The following EPS15L1 variants were observed in gnomAD, a reference collection of about 807,000 sequenced individuals.
EPS15L1 encodes the protein epidermal growth factor receptor pathway substrate 15 like 1.
In EPS15L1, 43 loss-of-function variants were observed where a neutral mutation model predicts 117.1. The ratio of observed to expected loss-of-function variants is 0.37; its 90% CI spans 0.29 to 0.47. The LOEUF is 0.47. Ranked by LOEUF, EPS15L1 falls within the 20% of genes least tolerant of loss-of-function variation. The pLI is 0.99. For synonymous variants in EPS15L1, 459 were observed against 470.5 expected, an observed-to-expected ratio of 0.98 and a Z score of 0.32; for missense variants, 981 against 1,164.0, an observed-to-expected ratio of 0.84 and a Z score of 2.29.
In EPS15L1 at chr19:16,381,898, C is replaced by T. The variant is rs2092367014; in HGVS notation, c.2247+3231G>A. On this transcript the variant is annotated intron_variant, in intron 21 of 23. Coordinates refer to ENST00000455140, the MANE Select transcript of EPS15L1 (RefSeq NM_001258374.3). This position sits in a 1 kb window ranked among gnomAD's most constrained non-coding sequence, Gnocchi z 4.2. ...ATGGGAAGTGGTGTGACCGGCTGGG[C>T]CTTGTCCTCCCTGGGCATGTGCTGG... 6.6e-6 allele frequency among the ~76,000 whole-genome samples: 1 copy of T among 152,218 alleles called. No individual in the cohort carries two copies.
At position 16,395,431 on chromosome 19, in the gene EPS15L1, T is replaced by C; in HGVS notation, c.1828A>G (p.Asn610Asp). ...PFKNKALLFS[N>D]NTQELHPDPF... ...TCCGGATGCAACTCTTGCGTGTTGT[T>C]GCTAAATAACAAGGCTTTATTTTTG... Residue 610 changes from asparagine (N) to aspartate (D), a missense_variant, in exon 17 of 24, where the codon AAC becomes GAC. Physicochemically the swap from Asn to Asp is conservative, Grantham distance 23. Around this residue, in one of 5 missense-constraint regions of EPS15L1, gnomAD observed 819 missense variants for 949.0 expected, o/e 0.86. Coordinates refer to ENST00000455140, the MANE Select transcript of EPS15L1 (RefSeq NM_001258374.3). 8.1e-6 allele frequency: 13 copies of C among 1,613,898 alleles called. No individual in the cohort carries two copies. Among genetic ancestry groups the C allele is most frequent in the Non-Finnish European group, 1.1e-5 (13 of 1,179,770 alleles).
intron 2 of EPS15L1, 67 bp from the exon 3 acceptor site, chr19:16,442,048 G>A (rs2093037433): frequency 1.3e-6 from 2 of 1,493,726 alleles, no homozygotes; most frequent in African/African-American, 1.4e-5. Context: ...AGTGGCACCC[G>A]CCACGCTAAC....
Position 16,403,884 on chromosome 19 carries a change from T to C in EPS15L1, c.1475A>G (p.Lys492Arg). The change falls in exon 15 of 24, where the codon AAG (lysine) becomes AGG (arginine). Residue 492 changes from lysine (K) to arginine (R), a missense_variant. Lys to Arg is a conservative substitution (Grantham distance 26, BLOSUM62 2). Around this residue, in one of 5 missense-constraint regions of EPS15L1, gnomAD observed 819 missense variants for 949.0 expected, o/e 0.86. Transcript: ENST00000455140. ...TQIQSQESDL[K>R]SQEDDLNRAK... The stretch of plus-strand genomic sequence containing the variant: ...TCGGTTCAGATCGTCTTCCTGGGAC[T>C]TTAAGTCAGATTCCTGAGATTGGAT... The C allele has an allele frequency of 6.2e-7, 1 of 1,614,156 alleles. No homozygotes were observed. Among genetic ancestry groups the C allele is most frequent in the South Asian group, 1.1e-5 (1 of 91,082 alleles).
rs568896371 is a variant in EPS15L1 at position 16,430,947 on chromosome 19, A to C, written c.499-2186T>G. Among the ~76,000 whole-genome samples, 4 of 152,332 alleles carry C rather than the reference A, an allele frequency of 2.6e-5. No homozygotes were observed. The South Asian group carries it at 8.3e-4, about 32-fold the overall frequency. On this transcript the variant is annotated intron_variant, in intron 7 of 23. Coordinates refer to ENST00000455140, the MANE Select transcript of EPS15L1 (RefSeq NM_001258374.3). ...CATAGATGCATGGATACAAAGATGT[A>C]TGCATGGCCGGGCACAGTGGCTCAC... is the stretch of plus-strand genomic sequence containing the variant.
Position 16,358,532 on chromosome 19 carries a change from G to A in EPS15L1, c.2587-2681C>T, listed in dbSNP as rs894554114. On this transcript the variant is annotated intron_variant, in intron 23 of 23. Coordinates refer to ENST00000455140, the MANE Select transcript of EPS15L1 (RefSeq NM_001258374.3). ...TTCCCTCTGGCATTACCATGGAACCGAGACACCGTAGGGGCATGACACCAC... is the reference window on the plus strand; with the variant it reads ...TTCCCTCTGGCATTACCATGGAACCAAGACACCGTAGGGGCATGACACCAC... 4.6e-5 allele frequency among the ~76,000 whole-genome samples: 7 copies of A among 152,184 alleles called. No homozygotes were observed. In the South Asian group the frequency reaches 6.2e-4, roughly 14 times the overall value.
chr19:16,466,772 G>A (rs1028299955), intron 1 of EPS15L1, among the ~76,000 whole-genome samples: 5 of 151,922 alleles, frequency 3.3e-5, no homozygotes, highest in Admixed American at 2.6e-4. Flanking sequence ...GTGTGGTAGT[G>A]GGCGCCTGTA....
intron 1 of EPS15L1, among the ~76,000 whole-genome samples, chr19:16,450,625 T>A (rs2093131930): frequency 6.6e-6 from 1 of 150,532 alleles, no homozygotes; most frequent in African/African-American, 2.4e-5. Flanking sequence ...GGATTACAGA[T>A]GCATGCCAAC....
chr19:16,450,604 C>T (rs547169706), intron 1 of EPS15L1, among the ~76,000 whole-genome samples: 30 of 151,620 alleles, frequency 2.0e-4, no homozygotes, highest in Non-Finnish European at 3.5e-4. Flanking sequence ...CCTCAGCCTC[C>T]CAAGTAGCTG....
intron 18 of EPS15L1, among the ~76,000 whole-genome samples, chr19:16,393,196 G>A (rs2092499256): frequency 1.3e-5 from 2 of 151,762 alleles, no homozygotes; most frequent in South Asian, 2.1e-4. Context: ...AGGGAATGGG[G>A]AGTGACTGCT....
chr19:16,465,004 A>G (rs1017916858), intron 1 of EPS15L1, among the ~76,000 whole-genome samples: 6 of 152,060 alleles, frequency 3.9e-5, no homozygotes, highest in East Asian at 1.9e-4. Flanking sequence ...GCATGAACCC[A>G]GGAGGCGGAG....
At chr19:16,385,275 A>G in intron 20 of EPS15L1, 64 bp from the exon 21 acceptor site, 1 of 1,378,660 alleles carries the variant, frequency 7.3e-7, no homozygotes. Flanking sequence ...TCTGGGGTGG[A>G]GGGGAAATGC....
chr19:16,414,786 T>G lies in EPS15L1; in HGVS notation c.1194-941A>C, dbSNP rs922509520. 1.1e-4 allele frequency among the ~76,000 whole-genome samples: 16 copies of G among 150,944 alleles called. No homozygotes were observed. In the South Asian group the frequency reaches 2.8e-3, roughly 26 times the overall value. ...CTGCAGTGGCACGATCATAGCTCAC[T>G]GCATCCTTGACTTCCTGGGCTCAAG... On this transcript the variant is annotated intron_variant, in intron 12 of 23. Coordinates refer to ENST00000455140, the MANE Select transcript of EPS15L1 (RefSeq NM_001258374.3).
intron 22 of EPS15L1, among the ~76,000 whole-genome samples, chr19:16,367,045 T>A (rs2092142931): frequency 6.6e-6 from 1 of 152,122 alleles, no homozygotes; most frequent in African/African-American, 2.4e-5. Flanking sequence ...TTTATACTTT[T>A]TTATGGCTCC....
intron 23 of EPS15L1, among the ~76,000 whole-genome samples, chr19:16,360,373 C>T (rs537765148): frequency 1.3e-5 from 2 of 152,180 alleles, no homozygotes; most frequent in African/African-American, 2.4e-5. Flanking sequence ...ACCCCCAGTG[C>T]GCATCTAGGG....
At chr19:16,454,625 C>A (rs1475745004) in intron 1 of EPS15L1, among the ~76,000 whole-genome samples, 4 of 152,120 alleles carry the variant, frequency 2.6e-5, no homozygotes, top group African/African-American at 9.7e-5. Flanking sequence ...GGCCTCCATC[C>A]AAACCAGACA....
chr19:16,422,957 CG>C (rs575104755), intron 9 of EPS15L1, among the ~76,000 whole-genome samples: 3 of 115,838 alleles, frequency 2.6e-5, no homozygotes, highest in Non-Finnish European at 5.1e-5. Context: ...GACTCCGTCT[CG>C]GGGAAAAAAA....
At chr19:16,458,295 A>G (rs140199949) in intron 1 of EPS15L1, among the ~76,000 whole-genome samples, 1 of 152,288 alleles carries the variant, frequency 6.6e-6, no homozygotes, top group East Asian at 1.9e-4. Flanking sequence ...CCCGGACCCC[A>G]CAGTGAGCAG....
At position 16,395,335 on chromosome 19, in the gene EPS15L1, G is replaced by C. The variant is rs1343341419; in HGVS notation, c.1915+9C>G. 1.2e-6 allele frequency: 2 copies of C among 1,610,666 alleles called. No homozygotes were observed. The highest frequency in any genetic ancestry group is 1.7e-6 in the Non-Finnish European group (2 of 1,178,492). On this transcript the variant is annotated intron_variant, in intron 17 of 23. Coordinates refer to ENST00000455140, the MANE Select transcript of EPS15L1 (RefSeq NM_001258374.3). ...CTTTCAATGAGAAAGTGGGTAGCAA[G>C]TGAGATACCTTTGAAGGGGTCAGCT...
At chr19:16,401,722 C>G in intron 16 of EPS15L1, 2 of 985,506 alleles carry the variant, frequency 2.0e-6, no homozygotes, top group Non-Finnish European at 2.4e-6. Context: ...GTCCCCTGCC[C>G]CAGGCCTGAT....
Sources: gnomAD v4.1 joint callset for allele counts (sites outside exome capture counted in the v4.1 genomes callset) on GRCh38, gnomAD v4.1.1 for gene constraint, gnomAD v4.1.1 regional missense constraint, Gnocchi (gnomAD v3.1) non-coding constraint, MANE v1.5 for transcripts, NCBI Gene and HGNC (gene_info 2026-07-23, HGNC 2026-07-21) for gene names.